Variants in ADAM12 observed in about 807,000 individuals in gnomAD.
ADAM12 encodes ADAM metallopeptidase domain 12.
A neutral mutation model predicts 106.4 loss-of-function variants in ADAM12; 70 were observed. That is an observed-to-expected ratio of 0.66 (90% CI 0.54 to 0.80). The LOEUF is 0.80. ADAM12 is among the 30% of genes least tolerant of loss of function. The pLI is 0.00. For synonymous variants in ADAM12, 420 were observed against 433.5 expected (o/e 0.97, Z 0.39); for missense variants, 1,010 against 1,171.9 (o/e 0.86, Z 2.02).
At chr10:126,234,343 T>C (rs1024842237) in intron 3 of ADAM12, among the ~76,000 whole-genome samples, 1 of 152,244 alleles carries the variant, frequency 6.6e-6, no homozygotes, top group African/African-American at 2.4e-5. Context: ...TAAAAACTCA[T>C]AAGTATTCTT....
At chr10:126,256,917 AATAATG>A (rs58965650) in intron 3 of ADAM12, among the ~76,000 whole-genome samples, 38,883 of 147,586 alleles carry the variant, frequency 0.26, 5,051 homozygotes, top group Admixed American at 0.33. Context: ...GAATAATAAT[AATAATG>A]ATGATGATGA....
intron 2 of ADAM12, among the ~76,000 whole-genome samples, chr10:126,282,938 C>T (rs999585122): frequency 2.9e-4 from 44 of 151,960 alleles, no homozygotes; most frequent in African/African-American, 8.9e-4. Context: ...TTATTTCTAT[C>T]GTCATTACAT....
chr10:126,257,973 T>C (rs1958925932), intron 3 of ADAM12, among the ~76,000 whole-genome samples: 1 of 152,154 alleles, frequency 6.6e-6, no homozygotes, highest in South Asian at 2.1e-4. Context: ...CAACCTCAAA[T>C]AGAATTGGCC....
intron 4 of ADAM12, among the ~76,000 whole-genome samples, chr10:126,150,049 T>C (rs1185569523): frequency 6.6e-6 from 1 of 152,250 alleles, no homozygotes; most frequent in Non-Finnish European, 1.5e-5. Flanking sequence ...ACAAAACTAT[T>C]CAAATAACTT....
intron 3 of ADAM12, among the ~76,000 whole-genome samples, chr10:126,266,746 G>C (rs1207406341): frequency 6.6e-6 from 1 of 152,154 alleles, no homozygotes; most frequent in Non-Finnish European, 1.5e-5. Context: ...AATCATGGTG[G>C]ATGGCAGAGT....
At chr10:126,178,734 T>C (rs895893607) in intron 3 of ADAM12, among the ~76,000 whole-genome samples, 16 of 151,962 alleles carry the variant, frequency 1.1e-4, no homozygotes, top group Admixed American at 9.8e-4. Context: ...TGGGAAAACA[T>C]AACACACAGC....
At chr10:126,094,192 A>C in intron 10 of ADAM12, 59 bp from the exon 11 acceptor site, 2 of 1,531,330 alleles carry the variant, frequency 1.3e-6, no homozygotes, top group Non-Finnish European at 1.8e-6. Context: ...CTTATTTCCC[A>C]GGTCTCCCTC....
intron 3 of ADAM12, among the ~76,000 whole-genome samples, chr10:126,193,030 C>A (rs1250893076): frequency 6.6e-6 from 1 of 152,046 alleles, no homozygotes; most frequent in Non-Finnish European, 1.5e-5. Context: ...CTTTGGAAGA[C>A]CAAGGTGGGT....
At chr10:126,291,978 CTTT>C (rs5788778) in intron 2 of ADAM12, among the ~76,000 whole-genome samples, 5 of 149,574 alleles carry the variant, frequency 3.3e-5, no homozygotes, top group African/African-American at 9.8e-5. Flanking sequence ...TGGGGTTCAG[CTTT>C]TTTTTTTTCC....
At chr10:126,084,305 C>T (rs1161077895) in intron 11 of ADAM12, among the ~76,000 whole-genome samples, 1 of 152,134 alleles carries the variant, frequency 6.6e-6, no homozygotes, top group African/African-American at 2.4e-5. Flanking sequence ...TCCTGAAAGA[C>T]CAAGAACCCA....
intron 3 of ADAM12, among the ~76,000 whole-genome samples, chr10:126,178,398 T>C (rs936099792): frequency 6.9e-5 from 10 of 145,238 alleles, no homozygotes; most frequent in Non-Finnish European, 1.2e-4. Context: ...TAGTCCTCAT[T>C]GGAGGACATC....
intron 22 of ADAM12, among the ~76,000 whole-genome samples, chr10:126,017,854 G>A (rs1231387901): frequency 6.6e-6 from 1 of 152,178 alleles, no homozygotes. Context: ...TGCAGGACAG[G>A]ACCAAAATCA....
intron 4 of ADAM12, among the ~76,000 whole-genome samples, chr10:126,153,761 C>A (rs1956768676): frequency 6.6e-6 from 1 of 152,068 alleles, no homozygotes; most frequent in African/African-American, 2.4e-5. Context: ...AGAAATATTC[C>A]TACAGAACTA....
chr10:126,182,756 C>T (rs1380047335), intron 3 of ADAM12, among the ~76,000 whole-genome samples: 1 of 152,148 alleles, frequency 6.6e-6, no homozygotes, highest in African/African-American at 2.4e-5. Context: ...GTTTTGCGTC[C>T]CTAGCGTCTC....
In ADAM12 at chr10:126,064,686, T is replaced by C. The variant is rs2133479169; in HGVS notation, c.1609+120A>G. On this transcript the variant is annotated intron_variant, in intron 14 of 22. Transcript: ENST00000448723. The surrounding 1 kb of genome is among the most constrained non-coding windows in gnomAD (Gnocchi z 4.4). ...ATCACTCCCGACTGAACACACCGGA[T>C]GCTGTGTGGACAGCGCCCGCCAGGA... is the stretch of plus-strand genomic sequence containing the variant. The C allele has an allele frequency of 3.8e-6, 4 of 1,058,922 alleles. No homozygotes were observed. The highest frequency in any genetic ancestry group is 5.4e-6 in the Non-Finnish European group (4 of 736,918). 65.6% of individuals were successfully genotyped at this position (1,058,922 alleles called of 1,614,324 possible).
intron 1 of ADAM12, among the ~76,000 whole-genome samples, chr10:126,340,695 T>C (rs4019513): frequency 0.69 from 104,552 of 151,156 alleles, 36,409 homozygotes; most frequent in African/African-American, 0.75. Context: ...TTAATAGTGC[T>C]CAGCTATGTC....
intron 2 of ADAM12, 74 bp from the exon 3 acceptor site, chr10:126,279,062 G>T: frequency 8.8e-7 from 1 of 1,136,346 alleles, no homozygotes; most frequent in Non-Finnish European, 1.3e-6. Flanking sequence ...AAGACCCACA[G>T]GCGTAGTCAA....
chr10:126,255,208 G>A (rs1189429464), intron 3 of ADAM12, among the ~76,000 whole-genome samples: 2 of 152,210 alleles, frequency 1.3e-5, no homozygotes, highest in East Asian at 1.9e-4. Flanking sequence ...ATGTCAGGTG[G>A]TGATAAGTAC....
Position 126,361,631 on chromosome 10 carries a change from C to G in ADAM12, c.88+26427G>C, listed in dbSNP as rs185354539. 2.9e-3 allele frequency among the ~76,000 whole-genome samples: 440 copies of G among 152,160 alleles called. 5 individuals carry two copies. The highest frequency in any genetic ancestry group is 0.01 in the African/African-American group (418 of 41,508). On this transcript the variant is annotated intron_variant, in intron 1 of 22. Coordinates refer to ENST00000448723, the MANE Select transcript of ADAM12 (RefSeq NM_001288973.2). Reference sequence around the variant, plus strand: ...AGAACAGAGAGCCCAGAAATGAACCCAAACATATACGGTCAATTGATTTTT... The same window carrying G: ...AGAACAGAGAGCCCAGAAATGAACCGAAACATATACGGTCAATTGATTTTT...
Sources: gnomAD v4.1 joint callset for allele counts (sites outside exome capture counted in the v4.1 genomes callset) on GRCh38, gnomAD v4.1.1 for gene constraint, Gnocchi (gnomAD v3.1) non-coding constraint, MANE v1.5 for transcripts, NCBI Gene and HGNC (gene_info 2026-07-23, HGNC 2026-07-21) for gene names.